DMBT1: variants seen among roughly 807,000 people sequenced by gnomAD.
The protein encoded by DMBT1 is deleted in malignant brain tumors 1, also known as scavenger receptor cysteine-rich domain-containing protein DMBT1.
DMBT1 carries 198 observed loss-of-function variants against 252.9 expected under a neutral mutation model. The observed-to-expected ratio is 0.78, with a 90% CI of 0.70 to 0.88. The LOEUF (loss-of-function observed/expected upper bound fraction) is 0.88. Among genes scored for constraint, DMBT1 ranks in the 40% least tolerant of loss-of-function variants. The pLI is 0.00. For synonymous variants in DMBT1, 990 were observed against 942.7 expected (o/e 1.05, Z -0.92); for missense variants, 2,432 against 2,404.7 (o/e 1.01, Z -0.24).
intron 41 of DMBT1, among the ~76,000 whole-genome samples, chr10:122,618,703 C>A (rs1252268286): frequency 6.6e-6 from 1 of 152,194 alleles, no homozygotes; most frequent in Non-Finnish European, 1.5e-5. Context: ...AGGGAGGGAT[C>A]CTCTCACTAC....
rs572119448 is a variant in DMBT1, at chr10:122,592,510, C to G, written c.2415C>G (p.His805Gln). The G allele has an allele frequency of 1.3e-6, 2 of 1,588,092 alleles. No individual in the cohort carries two copies. Among genetic ancestry groups the G allele is most frequent in the African/African-American group, 1.3e-5 (1 of 74,498 alleles). The change falls in exon 20 of 56, where the codon CAC (histidine) becomes CAG (glutamine). Residue 805 changes from histidine (H) to glutamine (Q), a missense_variant. This residue lies in a region of DMBT1 where 1,264 missense variants were observed against 1,082.2 expected (regional missense o/e 1.17). Transcript: ENST00000338354. ...IVLDDVRCSG[H>Q]ESYLWSCPHN... is the part of the protein sequence containing the mutation. Reference sequence around the variant, plus strand: ...TGGATGATGTGCGCTGCTCAGGACACGAGTCCTACCTGTGGAGCTGCCCCC... The same window carrying G: ...TGGATGATGTGCGCTGCTCAGGACAGGAGTCCTACCTGTGGAGCTGCCCCC...
At chr10:122,593,315 G>A (rs1252841097) in intron 20 of DMBT1, among the ~76,000 whole-genome samples, 1 of 148,408 alleles carries the variant, frequency 6.7e-6, no homozygotes, top group African/African-American at 2.4e-5. Flanking sequence ...AAGGGAGTGG[G>A]TTGGTTTAGG....
chr10:122,586,307 C>T lies in DMBT1; in HGVS notation c.1707C>T (p.Tyr569=), dbSNP rs1435847727. ...TGCGCTGCTCAGGGAATGAGTCCTA[C>T]TTGTGGAGCTGCCCCCACAATGGCT... is the stretch of plus-strand genomic sequence containing the variant. ...DDVRCSGNES[Y]LWSCPHNGWL... Residue 569 remains tyrosine, a synonymous_variant, in exon 16 of 56, where the codon TAC becomes TAT. Coordinates refer to ENST00000338354, the MANE Select transcript of DMBT1 (RefSeq NM_001377530.1). The T allele has an allele frequency of 2.5e-6, 4 of 1,588,726 alleles. No homozygotes were observed. Among genetic ancestry groups the T allele is most frequent in the Non-Finnish European group, 3.4e-6 (4 of 1,165,900 alleles).
Position 122,630,352 on chromosome 10 carries a change from A to G in DMBT1, c.5887A>G (p.Ser1963Gly). ...VEIFDGSLNS[S>G]LLLGKICNDT... is the part of the protein sequence containing the mutation. ...AATCTTTGATGGATCATTGAATAGC[A>G]GTCTCCTGCTGGGGAAAATCTGTAA... Residue 1963 changes from serine to glycine, a missense_variant, in exon 48 of 56, where the codon AGT becomes GGT. Ser to Gly is a moderately conservative substitution (Grantham distance 56, BLOSUM62 0). Coordinates refer to ENST00000338354, the MANE Select transcript of DMBT1 (RefSeq NM_001377530.1). 1 of 1,614,066 alleles carries G rather than the reference A, an allele frequency of 6.2e-7. No individual in the cohort carries two copies. The highest frequency in any genetic ancestry group is 8.5e-7 in the Non-Finnish European group (1 of 1,179,904).
chr10:122,587,702 G>T (rs543123182), intron 16 of DMBT1, among the ~76,000 whole-genome samples: 1 of 148,590 alleles, frequency 6.7e-6, no homozygotes, highest in Admixed American at 6.7e-5. Flanking sequence ...GGCAGAGGCC[G>T]TGCTCAGGCA....
intron 46 of DMBT1, among the ~76,000 whole-genome samples, chr10:122,628,840 G>A (rs1293594338): frequency 1.3e-5 from 2 of 152,118 alleles, no homozygotes; most frequent in Non-Finnish European, 2.9e-5. Flanking sequence ...GAAGAAATGG[G>A]GAGTGATTGC....
In DMBT1 at chr10:122,599,969, G is replaced by T. The variant is rs1056560442; in HGVS notation, c.3281-95G>T. 3.3e-6 allele frequency: 5 copies of T among 1,507,426 alleles called. No individual in the cohort carries two copies. The South Asian group carries it at 4.6e-5, about 14-fold the overall frequency. The allele number at this position is 1,507,426 out of a possible 1,614,324, so 93.4% of individuals were successfully genotyped here. A position where few individuals can be genotyped will look rare whatever the true frequency, so the allele number is the denominator to read the frequency against. ...TGTGTGATAGGAACTAGGATGGACT[G>T]AGTGTCAGACTCGCCCATTTCTTTC... On this transcript the variant is annotated intron_variant, in intron 26 of 55. Transcript: ENST00000338354.
Position 122,579,479 on chromosome 10 carries a change from G to A in DMBT1, c.680-99G>A. On this transcript the variant is annotated intron_variant, in intron 9 of 55. Coordinates refer to ENST00000338354, the MANE Select transcript of DMBT1 (RefSeq NM_001377530.1). The stretch of plus-strand genomic sequence containing the variant: ...TATGCAAAGGTGACTGCCTGCCTAG[G>A]TGACTTAGTTCATTAGGAAGTACCC... 6 of 1,588,706 alleles carry A rather than the reference G, an allele frequency of 3.8e-6. No homozygotes were observed. The Admixed American group carries it at 8.5e-5, about 23-fold the overall frequency.
chr10:122,592,079 A>G (rs1302167837), intron 19 of DMBT1, among the ~76,000 whole-genome samples, 193 bp from the exon 20 acceptor site: 2 of 148,588 alleles, frequency 1.3e-5, no homozygotes, highest in African/African-American at 4.9e-5. Context: ...CTGAGCCTCC[A>G]TAAACCCAGG....
chr10:122,590,630 A>G (rs776634978), intron 17 of DMBT1, 35 bp from the exon 18 acceptor site: 1 of 1,586,324 alleles, frequency 6.3e-7, no homozygotes, highest in Non-Finnish European at 8.6e-7. Flanking sequence ...CAGCTTCTGT[A>G]TAGTGCATCT....
chr10:122,617,363 G>T lies in DMBT1; in HGVS notation c.4891+103G>T, dbSNP rs545782666. 1.2e-3 allele frequency: 1,610 copies of T among 1,384,842 alleles called. 126 individuals carry two copies. The East Asian group carries it at 0.037, about 32-fold the overall frequency. The allele number at this position is 1,384,842 out of a possible 1,614,324, so 85.8% of individuals were successfully genotyped here. A position where few individuals can be genotyped will look rare whatever the true frequency, so the allele number is the denominator to read the frequency against. On this transcript the variant is annotated intron_variant, in intron 40 of 55. Coordinates refer to ENST00000338354, the MANE Select transcript of DMBT1 (RefSeq NM_001377530.1). The stretch of plus-strand genomic sequence containing the variant: ...TCAAGGTGGGCCCCTCTCTTTTCAT[G>T]TCCCTGTGGGTTGGGTGGGAGGAAG...
Position 122,620,252 on chromosome 10 carries a change from G to T in DMBT1, c.5246-1G>T, listed in dbSNP as rs745586991. The T allele has an allele frequency of 6.2e-7, 1 of 1,613,920 alleles. No homozygotes were observed. The highest frequency in any genetic ancestry group is 1.7e-5 in the Admixed American group (1 of 60,020). On this transcript the variant is annotated splice_acceptor_variant, in intron 42 of 55. Coordinates refer to ENST00000338354, the MANE Select transcript of DMBT1 (RefSeq NM_001377530.1). LOFTEE classifies it high-confidence loss of function. ...TCCTTTCTCTTTGTTGCAATTTACA[G>T]ATACTTGGCTGACCACCAACTTACC...
chr10:122,640,994 G>A (rs995652751), intron 55 of DMBT1, among the ~76,000 whole-genome samples: 1 of 152,198 alleles, frequency 6.6e-6, no homozygotes, highest in Non-Finnish European at 1.5e-5. Context: ...GGATGAGAGA[G>A]AGTGGATGTG....
At position 122,625,152 on chromosome 10, in the gene DMBT1, C is replaced by T. The variant is rs2098108489; in HGVS notation, c.5609-125C>T. 3 of 879,374 alleles carry T rather than the reference C, an allele frequency of 3.4e-6. No homozygotes were observed. The East Asian group carries it at 7.8e-5, about 23-fold the overall frequency. The allele number at this position is 879,374 out of a possible 1,614,324, so 54.5% of individuals were successfully genotyped here. ...ACCGTTAAGGTTTATATCTACTATT[C>T]CACTCTCCTGGATGACTCTTGGGGA... On this transcript the variant is annotated intron_variant, in intron 44 of 55. Transcript: ENST00000338354.
At chr10:122,624,438 A>AC (rs1265060824) in intron 44 of DMBT1, among the ~76,000 whole-genome samples, 5 of 152,322 alleles carry the variant, frequency 3.3e-5, no homozygotes, top group African/African-American at 1.2e-4. Flanking sequence ...AGACCCAGAA[A>AC]CCTTGGCCTT....
At chr10:122,574,231 A>G (rs998684674) in intron 6 of DMBT1, among the ~76,000 whole-genome samples, 5 of 152,154 alleles carry the variant, frequency 3.3e-5, no homozygotes, top group Non-Finnish European at 5.9e-5. Flanking sequence ...AGAAATCACA[A>G]TCCTTCAGCT....
At chr10:122,630,686 C>G (rs537399605) in intron 48 of DMBT1, among the ~76,000 whole-genome samples, 196 bp downstream of exon 48, 147 of 152,294 alleles carry the variant, frequency 9.7e-4, no homozygotes, top group Non-Finnish European at 1.6e-3. Flanking sequence ...TCCACCTGGC[C>G]TTGGGTCTGC....
chr10:122,597,848 G>A, intron 24 of DMBT1, 126 bp from the exon 25 acceptor site: 1 of 1,414,628 alleles, frequency 7.1e-7, no homozygotes, highest in Admixed American at 1.7e-5. Context: ...CAGACACATG[G>A]GGAGCAAGTG....
At chr10:122,572,829 G>A (rs180678335) in intron 5 of DMBT1, among the ~76,000 whole-genome samples, 1 of 152,248 alleles carries the variant, frequency 6.6e-6, no homozygotes, top group East Asian at 1.9e-4. Flanking sequence ...AGGAGAGTGG[G>A]AGAACTCTTG....
Sources: allele counts gnomAD v4.1 joint callset (sites outside exome capture counted in the v4.1 genomes callset), GRCh38; gene constraint gnomAD v4.1.1; regional missense constraint gnomAD v4.1.1; transcripts MANE v1.5; gene names NCBI Gene and HGNC (gene_info 2026-07-23, HGNC 2026-07-21).